The following PDE4D variants were observed in gnomAD, a reference collection of about 807,000 sequenced individuals.
PDE4D encodes the protein phosphodiesterase 4D.
In PDE4D, 24 loss-of-function variants were observed where a neutral mutation model predicts 87.4. The ratio of observed to expected loss-of-function variants is 0.27; its 90% CI spans 0.20 to 0.39. The LOEUF (loss-of-function observed/expected upper bound fraction) is 0.39, where lower values mean the gene tolerates loss of function less well. PDE4D is among the 10% of genes least tolerant of loss of function. The pLI is 1.00. For synonymous variants in PDE4D, 384 were observed against 383.2 expected, an observed-to-expected ratio of 1.00 and a Z score of -0.02; for missense variants, 714 against 1,041.0, an observed-to-expected ratio of 0.69 and a Z score of 4.32.
chr5:59,509,150 T>C (rs962334090), intron 1 of PDE4D, among the ~76,000 whole-genome samples: 4 of 151,722 alleles, frequency 2.6e-5, no homozygotes, highest in African/African-American at 9.7e-5. Flanking sequence ...ACAACAAAGA[T>C]AAAAATAAGA....
chr5:60,136,899 T>C (rs1488449666), intron 2 of PDE4D, among the ~76,000 whole-genome samples: 1 of 152,070 alleles, frequency 6.6e-6, no homozygotes, highest in Admixed American at 6.6e-5. Flanking sequence ...GCATAGATCA[T>C]CCCATTACCC....
intron 2 of PDE4D, among the ~76,000 whole-genome samples, chr5:60,111,210 T>TA (rs1177244707): frequency 5.9e-5 from 9 of 152,142 alleles, no homozygotes; most frequent in Non-Finnish European, 1.2e-4. Context: ...ATGTATACGC[T>TA]AATTACCCTG....
At chr5:60,470,291 T>C (rs1467666831) in intron 1 of PDE4D, among the ~76,000 whole-genome samples, 3 of 152,130 alleles carry the variant, frequency 2.0e-5, no homozygotes, top group Non-Finnish European at 4.4e-5. Flanking sequence ...CTAACAGAGA[T>C]TGATTCATGA....
chr5:60,261,096 A>G lies in PDE4D; in HGVS notation c.-89-75409T>C, dbSNP rs752320251. ...ATGAAGGAAGACTGGAAACATTATT[A>G]TATTGAATTCTTTGCTAGAGATATT... On this transcript the variant is annotated intron_variant, in intron 1 of 16. Coordinates refer to the PDE4D transcript ENST00000502484. Among the ~76,000 whole-genome samples, 66 of 152,286 alleles carry G rather than the reference A, an allele frequency of 4.3e-4. 1 individual carries two copies. Among genetic ancestry groups the G allele is most frequent in the Middle Eastern group, 3.4e-3 (1 of 294 alleles).
intron 1 of PDE4D, among the ~76,000 whole-genome samples, chr5:59,449,315 A>C (rs1441416702): frequency 6.6e-6 from 1 of 152,198 alleles, no homozygotes. Flanking sequence ...TAGGTTCATT[A>C]CCAAGAAATG....
At chr5:60,479,440 G>C (rs1561301060) in intron 1 of PDE4D, among the ~76,000 whole-genome samples, 1 of 152,120 alleles carries the variant, frequency 6.6e-6, no homozygotes, top group Non-Finnish European at 1.5e-5. Flanking sequence ...ATCCAACATA[G>C]CCTACTGCAA....
chr5:59,145,099 G>GT (rs1474945274), intron 5 of PDE4D, among the ~76,000 whole-genome samples: 1 of 152,128 alleles, frequency 6.6e-6, no homozygotes, highest in African/African-American at 2.4e-5. Context: ...CTGGAAAGGT[G>GT]TATTTGTTGA....
chr5:60,477,355 G>T (rs1019004389), intron 1 of PDE4D, among the ~76,000 whole-genome samples: 3 of 152,180 alleles, frequency 2.0e-5, no homozygotes, highest in Non-Finnish European at 4.4e-5. Flanking sequence ...TAGGGGAGAA[G>T]TGTGTAAGTA....
chr5:59,109,980 A>T (rs1211653193), intron 5 of PDE4D, among the ~76,000 whole-genome samples: 1 of 152,108 alleles, frequency 6.6e-6, no homozygotes, highest in Non-Finnish European at 1.5e-5. Context: ...GAGCCTCGAG[A>T]GTGTGCCCAT....
intron 2 of PDE4D, among the ~76,000 whole-genome samples, chr5:59,194,554 GGTC>G (rs1745035375): frequency 6.6e-6 from 1 of 152,090 alleles, no homozygotes; most frequent in African/African-American, 2.4e-5. Context: ...TAGGTGCTGT[GGTC>G]GTCATCAAAC....
chr5:60,248,866 CT>C (rs1748098581), intron 1 of PDE4D, among the ~76,000 whole-genome samples: 1 of 152,004 alleles, frequency 6.6e-6, no homozygotes, highest in Non-Finnish European at 1.5e-5. Context: ...CCTGACACAT[CT>C]GCATCATCCC....
intron 3 of PDE4D, among the ~76,000 whole-genome samples, chr5:59,940,632 G>T (rs1035534783): frequency 1.3e-5 from 2 of 152,104 alleles, no homozygotes; most frequent in East Asian, 3.9e-4. Flanking sequence ...TTAATTTTTG[G>T]TAGTATTTAA....
chr5:59,841,835 T>C (rs1743050947), intron 1 of PDE4D, among the ~76,000 whole-genome samples: 1 of 151,998 alleles, frequency 6.6e-6, no homozygotes, highest in Non-Finnish European at 1.5e-5. Flanking sequence ...GAGATTGTAG[T>C]GCAGAGAGCA....
chr5:60,176,722 G>A (rs1783931492), intron 2 of PDE4D, among the ~76,000 whole-genome samples: 1 of 152,134 alleles, frequency 6.6e-6, no homozygotes, highest in Non-Finnish European at 1.5e-5. Context: ...CAGCTTTGAG[G>A]AAAGATTGCT....
At chr5:59,516,458 C>A (rs116009580) in intron 1 of PDE4D, among the ~76,000 whole-genome samples, 3 of 152,118 alleles carry the variant, frequency 2.0e-5, no homozygotes, top group Non-Finnish European at 2.9e-5. Context: ...TATGTATGGA[C>A]GAAGATAACA....
intron 1 of PDE4D, among the ~76,000 whole-genome samples, chr5:60,420,049 G>A (rs901129038): frequency 5.9e-5 from 9 of 152,196 alleles, no homozygotes; most frequent in African/African-American, 2.2e-4. Context: ...CATTTGCAGA[G>A]TGAGAATACT....
chr5:59,597,757 A>T (rs1022221856), intron 1 of PDE4D, among the ~76,000 whole-genome samples: 2 of 152,158 alleles, frequency 1.3e-5, no homozygotes, highest in Admixed American at 1.3e-4. Context: ...TAGTATAATT[A>T]AGTAGAATAA....
chr5:59,752,068 C>T (rs1760561145), intron 1 of PDE4D, among the ~76,000 whole-genome samples: 1 of 152,118 alleles, frequency 6.6e-6, no homozygotes, highest in Admixed American at 6.6e-5. Context: ...ACTCTTTATG[C>T]TTAGTTATGG....
intron 1 of PDE4D, among the ~76,000 whole-genome samples, chr5:59,461,953 T>C (rs1800845963): frequency 6.6e-6 from 1 of 152,140 alleles, no homozygotes; most frequent in Admixed American, 6.5e-5. Context: ...TGAACAAAAT[T>C]ACTAGCATTT....
Sources: allele counts gnomAD v4.1 joint callset (sites outside exome capture counted in the v4.1 genomes callset), GRCh38; gene constraint gnomAD v4.1.1; transcripts MANE v1.5; gene names NCBI Gene and HGNC (gene_info 2026-07-23, HGNC 2026-07-21).